The following ZNF22 variants were observed in gnomAD, a reference collection of about 807,000 sequenced individuals.
The protein encoded by ZNF22 is zinc finger protein 22.
A neutral mutation model predicts 17.0 loss-of-function variants in ZNF22; 15 were observed. That is an observed-to-expected ratio of 0.88 (90% CI 0.59 to 1.36). The LOEUF is 1.36. Ranked by LOEUF, ZNF22 falls within the 40% of genes most tolerant of loss-of-function variation. ZNF22 has a pLI of 0.00. For missense variants in ZNF22, 272 were observed against 276.1 expected, an observed-to-expected ratio of 0.98 and a Z score of 0.11; for synonymous variants, 84 against 90.7, an observed-to-expected ratio of 0.93 and a Z score of 0.42.
intron 1 of ZNF22, among the ~76,000 whole-genome samples, chr10:45,001,740 A>G (rs1842334919): frequency 6.6e-6 from 1 of 152,236 alleles, no homozygotes; most frequent in Non-Finnish European, 1.5e-5. Context: ...GAGCTAGCAC[A>G]GAATCAAGTT....
At chr10:45,001,849 G>A (rs990075541) in intron 1 of ZNF22, among the ~76,000 whole-genome samples, 4 of 151,254 alleles carry the variant, frequency 2.6e-5, no homozygotes, top group Admixed American at 2.6e-4. Context: ...TATTAAATGC[G>A]TGTGCTTTTA....
chr10:45,002,270 C>T (rs1564474684), intron 1 of ZNF22: 1 of 152,120 alleles, frequency 6.6e-6, no homozygotes, highest in Admixed American at 6.5e-5. Flanking sequence ...CTAGATTTTC[C>T]GACATTGCCA....
In ZNF22 at chr10:45,004,078, TAAG is replaced by T. The variant is rs779966473; in HGVS notation, c.*38_*40del. ...TTTTTGACAGCTTTTTGAGACCTCT[TAAG>T]AAAAAATAAAAAGTAAAAAATGAAA... On this transcript the variant is annotated 3_prime_UTR_variant, in exon 2 of 2. Transcript: ENST00000298299. The T allele has an allele frequency of 4.2e-5, 64 of 1,531,586 alleles. No homozygotes were observed. The Middle Eastern group carries it at 7.0e-4, about 17-fold the overall frequency. The allele number at this position is 1,531,586 out of a possible 1,614,324, so 94.9% of individuals were successfully genotyped here.
Position 45,004,135 on chromosome 10 carries a change from T to C in ZNF22, c.*92T>C, listed in dbSNP as rs1002878600. Reference sequence around the variant, plus strand: ...ATCTTTTTTAGAAATAGAGATGCTTTATAGTAGATCACTTAAATACTGGAT... The same window carrying C: ...ATCTTTTTTAGAAATAGAGATGCTTCATAGTAGATCACTTAAATACTGGAT... On this transcript the variant is annotated 3_prime_UTR_variant, in exon 2 of 2. Coordinates refer to ENST00000298299, the MANE Select transcript of ZNF22 (RefSeq NM_006963.5). 9 of 1,327,490 alleles carry C rather than the reference T, an allele frequency of 6.8e-6. No individual in the cohort carries two copies. The South Asian group carries it at 9.1e-5, about 13-fold the overall frequency. The allele number at this position is 1,327,490 out of a possible 1,614,324, so 82.2% of individuals were successfully genotyped here.
chr10:45,003,389 A>T lies in ZNF22; in HGVS notation c.21A>T (p.Lys7Asn). 6.2e-7 allele frequency: 1 copy of T among 1,609,116 alleles called. No homozygotes were observed. Among genetic ancestry groups the T allele is most frequent in the Non-Finnish European group, 8.5e-7 (1 of 1,177,660 alleles). MRLAKP[K>N]AGISRSSSQG... is the part of the protein sequence containing the mutation. ...TCACCATGAGGTTAGCAAAGCCTAA[A>T]GCGGGTATTTCTCGGAGCTCAAGCC... The change falls in exon 2 of 2, where the codon AAA (lysine) becomes AAT (asparagine). Residue 7 changes from lysine to asparagine, a missense_variant. By Grantham distance (94) the Lys-to-Asn change is moderately conservative (BLOSUM62 0). Coordinates refer to ENST00000298299, the MANE Select transcript of ZNF22 (RefSeq NM_006963.5).
In ZNF22 at chr10:45,000,983, G is replaced by A. The variant is rs1486731499; in HGVS notation, c.-90+5G>A. The stretch of plus-strand genomic sequence containing the variant: ...AGTGGTGGCTGGTCCCGCGCGGTGA[G>A]TGGGATTGGGGCACTTGGGGCGCTC... On this transcript the variant is annotated splice_donor_5th_base_variant and intron_variant, in intron 1 of 1. Coordinates refer to ENST00000298299, the MANE Select transcript of ZNF22 (RefSeq NM_006963.5). 1 of 718,446 alleles carries A rather than the reference G, an allele frequency of 1.4e-6. No homozygotes were observed. The highest frequency in any genetic ancestry group is 1.0e-4 in the East Asian group (1 of 9,896). 44.5% of individuals were successfully genotyped at this position (718,446 alleles called of 1,614,324 possible). A position where few individuals can be genotyped will look rare whatever the true frequency, so the allele number is the denominator to read the frequency against.
Position 45,004,412 on chromosome 10 carries a change from C to A in ZNF22, c.*369C>A. 1 of 181,136 alleles carries A rather than the reference C, an allele frequency of 5.5e-6. No individual in the cohort carries two copies. The highest frequency in any genetic ancestry group is 6.1e-5 in the Admixed American group (1 of 16,496). The allele number at this position is 181,136 out of a possible 1,614,324, so 11.2% of individuals were successfully genotyped here. A position where few individuals can be genotyped will look rare whatever the true frequency, so the allele number is the denominator to read the frequency against. On this transcript the variant is annotated 3_prime_UTR_variant, in exon 2 of 2. Transcript: ENST00000298299. ...ATACATTTGTGAAAGTGCAGGCATG[C>A]CAATGACTACTCAGTTTTAGGACTT...
At position 45,004,489 on chromosome 10, in the gene ZNF22, T is replaced by C. The variant is rs1842358792; in HGVS notation, c.*446T>C. 1 of 171,822 alleles carries C rather than the reference T, an allele frequency of 5.8e-6. No homozygotes were observed. Among genetic ancestry groups the C allele is most frequent in the African/African-American group, 2.4e-5 (1 of 41,510 alleles). 10.6% of individuals were successfully genotyped at this position (171,822 alleles called of 1,614,324 possible). The stretch of plus-strand genomic sequence containing the variant: ...ATCAATTCCACTACTTTTGAAGTTC[T>C]GCAACAGATGAGATTTTGTTTGTAA... On this transcript the variant is annotated 3_prime_UTR_variant, in exon 2 of 2. Coordinates refer to ENST00000298299, the MANE Select transcript of ZNF22 (RefSeq NM_006963.5).
chr10:45,003,235 T>A, intron 1 of ZNF22, 45 bp from the exon 2 acceptor site: 1 of 730,192 alleles, frequency 1.4e-6, no homozygotes, highest in Middle Eastern at 4.1e-4. Flanking sequence ...ATATCTGTAA[T>A]TTTTTTTCTG....
rs765479620 is a variant in ZNF22, at chr10:45,003,686, G to C, written c.318G>C (p.Thr106=). ...SNLIQHRRIH[T]GEKPYKCDEC... is the part of the protein sequence containing the mutation. The stretch of plus-strand genomic sequence containing the variant: ...TCATTCAGCATCGACGGATCCATAC[G>C]GGGGAAAAGCCCTACAAATGTGATG... Residue 106 remains threonine (T), a synonymous_variant, in exon 2 of 2, where the codon ACG becomes ACC. Coordinates refer to ENST00000298299, the MANE Select transcript of ZNF22 (RefSeq NM_006963.5). The C allele has an allele frequency of 2.5e-6, 4 of 1,614,166 alleles. No homozygotes were observed. In the South Asian group the frequency reaches 4.4e-5, roughly 18 times the overall value.
In ZNF22 at chr10:45,005,170, C is replaced by A. The variant is rs757468699; in HGVS notation, c.*1127C>A. The A allele has an allele frequency of 6.0e-6, 1 of 166,860 alleles. No individual in the cohort carries two copies. The highest frequency in any genetic ancestry group is 2.4e-5 in the African/African-American group (1 of 41,444). The allele number at this position is 166,860 out of a possible 1,614,324, so 10.3% of individuals were successfully genotyped here. On this transcript the variant is annotated 3_prime_UTR_variant, in exon 2 of 2. Coordinates refer to ENST00000298299, the MANE Select transcript of ZNF22 (RefSeq NM_006963.5). ...TTCTTCACTTCCATGAGAATGGTGCCAAGTGTCAGACTCTAATGAGCCCTC... is the reference window on the plus strand; with the variant it reads ...TTCTTCACTTCCATGAGAATGGTGCAAAGTGTCAGACTCTAATGAGCCCTC...
chr10:45,001,102 G>A lies in ZNF22; in HGVS notation c.-90+124G>A, dbSNP rs185113616. On this transcript the variant is annotated intron_variant, in intron 1 of 1. Coordinates refer to ENST00000298299, the MANE Select transcript of ZNF22 (RefSeq NM_006963.5). ...GGCGATGGCGTGGCTTGCGTCTCCC[G>A]CCTCCGGGCAGGGCCTGGCCGCCGG... 633 of 156,096 alleles carry A rather than the reference G, an allele frequency of 4.1e-3. 6 individuals are homozygous for A. The highest frequency in any genetic ancestry group is 0.014 in the African/African-American group (595 of 41,456). 9.7% of individuals were successfully genotyped at this position (156,096 alleles called of 1,614,324 possible). A position where few individuals can be genotyped will look rare whatever the true frequency, so the allele number is the denominator to read the frequency against.
At chr10:45,001,133 G>A (rs902045407) in intron 1 of ZNF22, among the ~76,000 whole-genome samples, 155 bp downstream of exon 1, 1 of 150,388 alleles carries the variant, frequency 6.6e-6, no homozygotes, top group Non-Finnish European at 1.5e-5. Flanking sequence ...GCCGGGCGGG[G>A]GCGGGAGGGC....
chr10:45,002,420 A>G (rs892791468), intron 1 of ZNF22: 1 of 152,186 alleles, frequency 6.6e-6, no homozygotes, highest in Non-Finnish European at 1.5e-5. Flanking sequence ...ATTCCATCCT[A>G]GTTTTACATG....
chr10:45,004,074 C>T lies in ZNF22; in HGVS notation c.*31C>T, dbSNP rs1307206381. On this transcript the variant is annotated 3_prime_UTR_variant, in exon 2 of 2. Transcript: ENST00000298299. ...GGGCTTTTTGACAGCTTTTTGAGAC[C>T]TCTTAAGAAAAAATAAAAAGTAAAA... is the stretch of plus-strand genomic sequence containing the variant. 1 of 1,538,184 alleles carries T rather than the reference C, an allele frequency of 6.5e-7. No individual in the cohort carries two copies. Among genetic ancestry groups the T allele is most frequent in the African/African-American group, 1.4e-5 (1 of 71,638 alleles).
Position 45,005,187 on chromosome 10 carries a change from T to C in ZNF22, c.*1144T>C, listed in dbSNP as rs189594218. 6.0e-6 allele frequency: 1 copy of C among 167,056 alleles called. No homozygotes were observed. Among genetic ancestry groups the C allele is most frequent in the African/African-American group, 2.4e-5 (1 of 41,604 alleles). 10.3% of individuals were successfully genotyped at this position (167,056 alleles called of 1,614,324 possible). A position where few individuals can be genotyped will look rare whatever the true frequency, so the allele number is the denominator to read the frequency against. The stretch of plus-strand genomic sequence containing the variant: ...AATGGTGCCAAGTGTCAGACTCTAA[T>C]GAGCCCTCAGCTCAGGTTTTAATTT... On this transcript the variant is annotated 3_prime_UTR_variant, in exon 2 of 2. Transcript: ENST00000298299.
chr10:45,002,165 C>T (rs777148629), intron 1 of ZNF22: 5 of 152,156 alleles, frequency 3.3e-5, no homozygotes, highest in African/African-American at 4.8e-5. Flanking sequence ...TGTTTGTATG[C>T]AAAGAAACCC....
rs778735714 is a variant in ZNF22 at position 45,004,261 on chromosome 10, GC to G, written c.*219del. The G allele has an allele frequency of 3.9e-5, 19 of 484,414 alleles. No individual in the cohort carries two copies. Among genetic ancestry groups the G allele is most frequent in the African/African-American group, 8.0e-5 (4 of 50,002 alleles). The allele number at this position is 484,414 out of a possible 1,614,324, so 30.0% of individuals were successfully genotyped here. The stretch of plus-strand genomic sequence containing the variant: ...TCATTTCTTTTTTATGTGACATGGA[GC>G]ACAAAGAACTGAAAATATGTTTTGA... On this transcript the variant is annotated 3_prime_UTR_variant, in exon 2 of 2. Transcript: ENST00000298299.
In ZNF22 at chr10:45,000,960, T is replaced by C; in HGVS notation, c.-108T>C. On this transcript the variant is annotated 5_prime_UTR_variant, in exon 1 of 2. Transcript: ENST00000298299. Reference sequence around the variant, plus strand: ...GCGGGAGGCGCCCAGCGAGCCAGAGTGGTGGCTGGTCCCGCGCGGTGAGTG... The same window carrying C: ...GCGGGAGGCGCCCAGCGAGCCAGAGCGGTGGCTGGTCCCGCGCGGTGAGTG... 1 of 937,416 alleles carries C rather than the reference T, an allele frequency of 1.1e-6. No individual in the cohort carries two copies. The highest frequency in any genetic ancestry group is 1.4e-6 in the Non-Finnish European group (1 of 724,612). 58.1% of individuals were successfully genotyped at this position (937,416 alleles called of 1,614,324 possible). A position where few individuals can be genotyped will look rare whatever the true frequency, so the allele number is the denominator to read the frequency against.
Sources: gnomAD v4.1 joint callset for allele counts (sites outside exome capture counted in the v4.1 genomes callset) on GRCh38, gnomAD v4.1.1 for gene constraint, MANE v1.5 for transcripts, NCBI Gene and HGNC (gene_info 2026-07-23, HGNC 2026-07-21) for gene names.